Variants in RAB27B observed in about 807,000 individuals in gnomAD.
RAB27B encodes ras-related protein Rab-27B.
RAB27B carries 15 observed loss-of-function variants against 24.6 expected under a neutral mutation model. That is an observed-to-expected ratio of 0.61 (90% CI 0.41 to 0.94). The LOEUF is 0.94. Among genes scored for constraint, RAB27B ranks in the 40% least tolerant of loss-of-function variants. The pLI is 0.00. For missense variants in RAB27B, 261 were observed against 266.8 expected, an observed-to-expected ratio of 0.98 and a Z score of 0.15; for synonymous variants, 105 against 92.5, an observed-to-expected ratio of 1.14 and a Z score of -0.78.
chr18:54,752,940 GATAGAGGAAGTGAT>G (rs1218539942), intron 2 of RAB27B, among the ~76,000 whole-genome samples: 1 of 152,156 alleles, frequency 6.6e-6, no homozygotes, highest in Non-Finnish European at 1.5e-5. Context: ...GTGATTGACT[GATAGAGGAAGTGAT>G]ATAGAGGAGG....
At chr18:54,809,858 TG>T (rs1909907443) in intron 2 of RAB27B, among the ~76,000 whole-genome samples, 1 of 152,238 alleles carries the variant, frequency 6.6e-6, no homozygotes, top group Non-Finnish European at 1.5e-5. Context: ...TTAATTGCTT[TG>T]TAGACAATAT....
At chr18:54,792,566 G>T (rs1385525654) in intron 2 of RAB27B, among the ~76,000 whole-genome samples, 1 of 152,158 alleles carries the variant, frequency 6.6e-6, no homozygotes, top group Non-Finnish European at 1.5e-5. Context: ...ATTTATGCAT[G>T]CAAGATAGTG....
intron 2 of RAB27B, among the ~76,000 whole-genome samples, chr18:54,784,484 A>G (rs183779258): frequency 2.0e-5 from 3 of 152,180 alleles, no homozygotes; most frequent in Admixed American, 1.3e-4. Flanking sequence ...CTCAGTGTCT[A>G]TTGTTCCCAT....
At chr18:54,727,008 G>A (rs894682134) in intron 2 of RAB27B, among the ~76,000 whole-genome samples, 5 of 152,182 alleles carry the variant, frequency 3.3e-5, no homozygotes, top group Non-Finnish European at 7.3e-5. Context: ...TTGAGACAGA[G>A]TTTTGCTCCT....
chr18:54,786,996 G>T (rs897621852), intron 2 of RAB27B, among the ~76,000 whole-genome samples: 3 of 152,202 alleles, frequency 2.0e-5, no homozygotes, highest in African/African-American at 7.2e-5. Context: ...AAGTTTGCTT[G>T]CTTTCCTTAA....
Position 54,817,048 on chromosome 18 carries a change from C to T in RAB27B, c.-19-60519C>T, listed in dbSNP as rs151074738. 7.4e-3 allele frequency among the ~76,000 whole-genome samples: 1,121 copies of T among 152,104 alleles called. 7 individuals are homozygous for T. Among genetic ancestry groups the T allele is most frequent in the Non-Finnish European group, 0.012 (839 of 67,986 alleles). On this transcript the variant is annotated intron_variant, in intron 2 of 4. Coordinates refer to the RAB27B transcript ENST00000586570. ...CATTTTCACAAATCTTTATTTCTAACGTTTTACATCTCAATTTTTTAAAAA... is the reference window on the plus strand; with the variant it reads ...CATTTTCACAAATCTTTATTTCTAATGTTTTACATCTCAATTTTTTAAAAA...
At position 54,885,234 on chromosome 18, in the gene RAB27B, T is replaced by C. The variant is rs536892534; in HGVS notation, c.343+798T>C. 2.0e-5 allele frequency among the ~76,000 whole-genome samples: 3 copies of C among 152,296 alleles called. No homozygotes were observed. In the East Asian group the frequency reaches 5.8e-4, roughly 29 times the overall value. On this transcript the variant is annotated intron_variant, in intron 4 of 5. Transcript: ENST00000262094. ...AAGTAGCAGGACAGCTGAGTCGTCC[T>C]ATGGGGCTGCTCTTATCATTTCCAG... is the stretch of plus-strand genomic sequence containing the variant.
At chr18:54,819,338 C>T (rs1404513975) in intron 2 of RAB27B, among the ~76,000 whole-genome samples, 1 of 147,826 alleles carries the variant, frequency 6.8e-6, no homozygotes, top group East Asian at 2.0e-4. Flanking sequence ...GTCATATAAG[C>T]TGTTACCAGA....
chr18:54,739,456 CA>C (rs34119736), intron 2 of RAB27B, among the ~76,000 whole-genome samples: 6,599 of 94,488 alleles, frequency 0.07, 208 homozygotes, highest in Admixed American at 0.13. Flanking sequence ...AACTCCATCT[CA>C]AAAAAAAAAA....
intron 1 of RAB27B, among the ~76,000 whole-genome samples, chr18:54,867,965 T>C (rs1381500007): frequency 6.6e-6 from 1 of 152,182 alleles, no homozygotes; most frequent in Non-Finnish European, 1.5e-5. Flanking sequence ...TGATATAGTT[T>C]GGAGATTTGT....
chr18:54,729,995 G>C (rs550489788), intron 2 of RAB27B, among the ~76,000 whole-genome samples: 1 of 140,082 alleles, frequency 7.1e-6, no homozygotes, highest in East Asian at 2.0e-4. Context: ...GCTAAGGAAA[G>C]ATGCAATAAG....
intron 2 of RAB27B, among the ~76,000 whole-genome samples, chr18:54,811,168 G>T (rs567871656): frequency 6.6e-6 from 1 of 151,910 alleles, no homozygotes; most frequent in African/African-American, 2.4e-5. Context: ...AGTTTTAGAG[G>T]GGGGAAGAGG....
chr18:54,826,286 C>CT (rs1362424198), upstream of RAB27B, among the ~76,000 whole-genome samples: 2 of 152,176 alleles, frequency 1.3e-5, no homozygotes, highest in African/African-American at 4.8e-5. Flanking sequence ...GATGTTATTA[C>CT]TATTATTATC....
At chr18:54,845,133 G>A (rs1038294231) in intron 1 of RAB27B, among the ~76,000 whole-genome samples, 6 of 151,764 alleles carry the variant, frequency 4.0e-5, no homozygotes, top group Admixed American at 2.0e-4. Flanking sequence ...AGGACCTGTC[G>A]CAGTGGCTCA....
rs951305553 is a variant in RAB27B at position 54,893,352 on chromosome 18, A to G, written c.*3939A>G. On this transcript the variant is annotated 3_prime_UTR_variant, in exon 6 of 6. Coordinates refer to ENST00000262094, the MANE Select transcript of RAB27B (RefSeq NM_004163.4). ...TAACTGTTTATAAAGAAGGTCTAAGAGCTGATATTTGCCAAAGTGATAGAA... is the reference window on the plus strand; with the variant it reads ...TAACTGTTTATAAAGAAGGTCTAAGGGCTGATATTTGCCAAAGTGATAGAA... 6.6e-6 allele frequency: 1 copy of G among 152,148 alleles called. No homozygotes were observed. The highest frequency in any genetic ancestry group is 2.1e-4 in the South Asian group (1 of 4,826). 9.4% of individuals were successfully genotyped at this position (152,148 alleles called of 1,614,324 possible).
At position 54,867,442 on chromosome 18, in the gene RAB27B, C is replaced by CTTTTTTTTTTT. The variant is rs548288719; in HGVS notation, c.-19-10115_-19-10105dup. Among the ~76,000 whole-genome samples, 354 of 98,678 alleles carry CTTTTTTTTTTT rather than the reference C, an allele frequency of 3.6e-3. 2 individuals are homozygous for CTTTTTTTTTTT. Among genetic ancestry groups the CTTTTTTTTTTT allele is most frequent in the Middle Eastern group, 8.5e-3 (1 of 118 alleles). 64.7% of individuals were successfully genotyped at this position (98,678 alleles called of 152,430 possible). Reference sequence around the variant, plus strand: ...CTGATGCTTTCTTTTCTTTTCTTTTCTTTTTTTTTTTTTTTTTTTTCTGAG... The same window carrying CTTTTTTTTTTT: ...CTGATGCTTTCTTTTCTTTTCTTTTCTTTTTTTTTTTTTTTTTTTTTTTTTTTTTTTCTGAG... On this transcript the variant is annotated intron_variant, in intron 1 of 5. Coordinates refer to ENST00000262094, the MANE Select transcript of RAB27B (RefSeq NM_004163.4).
At chr18:54,849,115 G>T (rs146791876) in intron 1 of RAB27B, among the ~76,000 whole-genome samples, 45 of 152,184 alleles carry the variant, frequency 3.0e-4, no homozygotes, top group African/African-American at 1.1e-3. Flanking sequence ...CAGAAACGTC[G>T]ATGTAATGGG....
At chr18:54,829,586 G>T (rs1031831971) in intron 1 of RAB27B, among the ~76,000 whole-genome samples, 2 of 152,024 alleles carry the variant, frequency 1.3e-5, no homozygotes, top group Non-Finnish European at 2.9e-5. Context: ...TTTTGATTTT[G>T]TTCTGTTTAT....
chr18:54,768,357 T>G (rs1003357138), intron 2 of RAB27B, among the ~76,000 whole-genome samples: 1 of 152,120 alleles, frequency 6.6e-6, no homozygotes, highest in African/African-American at 2.4e-5. Flanking sequence ...AGGTATTGAA[T>G]GGCAAACAAA....
Sources: gnomAD v4.1 joint callset for allele counts (sites outside exome capture counted in the v4.1 genomes callset) on GRCh38, gnomAD v4.1.1 for gene constraint, MANE v1.5 for transcripts, NCBI Gene and HGNC (gene_info 2026-07-23, HGNC 2026-07-21) for gene names.